The following C12orf42 variants were observed in gnomAD, a reference collection of about 807,000 sequenced individuals.
The protein encoded by C12orf42 is chromosome 12 open reading frame 42.
C12orf42 carries 25 observed loss-of-function variants against 21.6 expected under a neutral mutation model. The ratio of observed to expected loss-of-function variants is 1.16; its 90% CI spans 0.84 to 1.62. C12orf42 has a LOEUF of 1.62. Among genes scored for constraint, C12orf42 ranks in the 40% most tolerant of loss-of-function variants. The pLI, the probability that C12orf42 is intolerant of heterozygous loss-of-function variation, is 0.00. For synonymous variants in C12orf42, 174 were observed against 175.0 expected (o/e 0.99, Z 0.05); for missense variants, 483 against 459.3 (o/e 1.05, Z -0.47).
At chr12:103,538,482 T>G in the C12orf42 span, among the ~76,000 whole-genome samples, 1 of 152,222 alleles carries the variant, frequency 6.6e-6, no homozygotes, top group Non-Finnish European at 1.5e-5. Flanking sequence ...GGTGTCCATT[T>G]AGAGTTCACC....
intron 4 of C12orf42, among the ~76,000 whole-genome samples, chr12:103,294,336 T>G: frequency 1.5e-5 from 2 of 135,986 alleles, no homozygotes; most frequent in East Asian, 2.1e-4. Flanking sequence ...GAAGCAGTAG[T>G]GGGAAGCCTA....
chr12:103,558,645 G>A, the C12orf42 span: 12 of 152,192 alleles, frequency 7.9e-5, no homozygotes, highest in East Asian at 5.8e-4. Context: ...AATTCTAATC[G>A]TTTCAGGTTT....
chr12:103,372,072 T>C (rs2045295203), intron 3 of C12orf42, among the ~76,000 whole-genome samples: 1 of 152,104 alleles, frequency 6.6e-6, no homozygotes, highest in Admixed American at 6.6e-5. Context: ...AAGATCACCC[T>C]GGCCTCCACT....
intron 2 of C12orf42, among the ~76,000 whole-genome samples, chr12:103,445,640 G>A (rs910467329): frequency 1.3e-5 from 2 of 151,804 alleles, no homozygotes; most frequent in Admixed American, 6.6e-5. Flanking sequence ...TTATTTATGT[G>A]CCCTAGATAT....
intron 3 of C12orf42, among the ~76,000 whole-genome samples, chr12:103,393,731 AT>A (rs1411272942): frequency 6.6e-6 from 1 of 152,170 alleles, no homozygotes; most frequent in East Asian, 1.9e-4. Flanking sequence ...ATTGCACTTA[AT>A]ACAATTTATT....
the C12orf42 span, among the ~76,000 whole-genome samples, chr12:103,061,748 T>C: frequency 3.9e-5 from 6 of 152,026 alleles, no homozygotes; most frequent in Admixed American, 2.6e-4. Context: ...TAATCTCAAG[T>C]GACATTATAT....
the C12orf42 span, among the ~76,000 whole-genome samples, chr12:103,100,881 A>G: frequency 6.6e-6 from 1 of 152,194 alleles, no homozygotes; most frequent in Admixed American, 6.5e-5. Flanking sequence ...TAAGGCAAAG[A>G]GGTTTTTGGA....
chr12:103,085,673 G>A, the C12orf42 span, among the ~76,000 whole-genome samples: 2,383 of 152,002 alleles, frequency 0.016, 64 homozygotes, highest in African/African-American at 0.054. Flanking sequence ...TAATCTAACC[G>A]TGCCATTCAT....
exon 5 of C12orf42, chr12:103,277,203 G>A (rs2136289225): frequency 2.2e-6 from 1 of 450,620 alleles, no homozygotes. Context: ...CCTGTCCATG[G>A]TGACTTCCTT....
chr12:103,431,255 T>C (rs1448776102), intron 2 of C12orf42: 1 of 152,128 alleles, frequency 6.6e-6, no homozygotes, highest in Non-Finnish European at 1.5e-5. Context: ...ATTTTCTAGA[T>C]TGGGAAACTG....
chr12:103,173,584 C>A, the C12orf42 span, among the ~76,000 whole-genome samples: 2 of 151,862 alleles, frequency 1.3e-5, no homozygotes, highest in Admixed American at 1.3e-4. Context: ...GTATCCTAGA[C>A]CTTTATGGAG....
At chr12:103,091,762 A>C in the C12orf42 span, among the ~76,000 whole-genome samples, 1 of 152,214 alleles carries the variant, frequency 6.6e-6, no homozygotes, top group Non-Finnish European at 1.5e-5. Context: ...AAACGCATTA[A>C]ACAATAATGG....
chr12:103,048,513 G>A, the C12orf42 span, among the ~76,000 whole-genome samples: 1 of 152,066 alleles, frequency 6.6e-6, no homozygotes, highest in African/African-American at 2.4e-5. Flanking sequence ...CCTGGGGCAT[G>A]ATCTCAGATC....
At chr12:103,321,256 A>G (rs1232991879) in intron 4 of C12orf42, among the ~76,000 whole-genome samples, 3 of 151,682 alleles carry the variant, frequency 2.0e-5, no homozygotes, top group Admixed American at 6.6e-5. Flanking sequence ...CAAAAAACAC[A>G]TGAAAAAATG....
chr12:103,256,851 C>T (rs1008368006), intron 10 of C12orf42, among the ~76,000 whole-genome samples: 3 of 152,116 alleles, frequency 2.0e-5, no homozygotes, highest in African/African-American at 7.2e-5. Flanking sequence ...TTTAACATTA[C>T]ATAAAATTTA....
intron 1 of C12orf42, among the ~76,000 whole-genome samples, chr12:103,490,121 C>T (rs1012542403): frequency 1.1e-4 from 16 of 152,236 alleles, no homozygotes; most frequent in African/African-American, 3.9e-4. Context: ...TGTATTGCTC[C>T]TTCCTACACT....
chr12:103,070,196 G>T, the C12orf42 span, among the ~76,000 whole-genome samples: 1 of 152,134 alleles, frequency 6.6e-6, no homozygotes. Context: ...AGAATGTCCA[G>T]CTCATTTCTC....
intron 4 of C12orf42, among the ~76,000 whole-genome samples, chr12:103,318,658 T>A (rs921060777): frequency 6.6e-6 from 1 of 152,304 alleles, no homozygotes; most frequent in South Asian, 2.1e-4. Context: ...ACAAACTGTA[T>A]AATTGTGGGC....
rs562675158 is a variant in C12orf42, at chr12:103,451,052, G to A, written c.78+27297C>T. On this transcript the variant is annotated intron_variant, in intron 2 of 5. Transcript: ENST00000548883. The stretch of plus-strand genomic sequence containing the variant: ...TCCCTCTTCCTCTCTCTATATCATT[G>A]TCACTTTGGGTGTGTCAGACTGCTG... Among the ~76,000 whole-genome samples the A allele has an allele frequency of 1.1e-3, 165 of 151,998 alleles. 3 individuals carry two copies. In the Middle Eastern group the frequency reaches 0.017, roughly 16 times the overall value.
Sources: allele counts gnomAD v4.1 joint callset (sites outside exome capture counted in the v4.1 genomes callset), GRCh38; gene constraint gnomAD v4.1.1; transcripts MANE v1.5; gene names NCBI Gene and HGNC (gene_info 2026-07-23, HGNC 2026-07-21).